The following MAST4 variants were observed in gnomAD, a reference collection of about 807,000 sequenced individuals.
MAST4 encodes microtubule associated serine/threonine kinase family member 4, also known as microtubule-associated serine/threonine-protein kinase 4.
In MAST4, 89 loss-of-function variants were observed where a neutral mutation model predicts 162.7. The observed-to-expected ratio is 0.55, with a 90% CI of 0.46 to 0.65. The LOEUF is 0.65. MAST4 is among the 30% of genes least tolerant of loss of function. The probability of loss-of-function intolerance (pLI) is 0.00; values close to 1 mark genes in which losing one functional copy is unlikely to be tolerated. For synonymous variants in MAST4, 1,479 were observed against 1,361.1 expected (o/e 1.09, Z -1.91); for missense variants, 3,153 against 3,374.0 (o/e 0.93, Z 1.62).
intron 3 of MAST4, among the ~76,000 whole-genome samples, chr5:66,808,850 A>G (rs1339374859): frequency 6.6e-6 from 1 of 152,210 alleles, no homozygotes; most frequent in Non-Finnish European, 1.5e-5. Context: ...CCTGTGTTCT[A>G]CTGGAGGCGG....
chr5:66,918,865 T>G (rs1335253899), intron 4 of MAST4, among the ~76,000 whole-genome samples: 1 of 152,168 alleles, frequency 6.6e-6, no homozygotes, highest in Non-Finnish European at 1.5e-5. Context: ...AATGATATAC[T>G]TAGATAAAAT....
chr5:66,604,726 T>A (rs571098926), intron 1 of MAST4, among the ~76,000 whole-genome samples: 50 of 152,334 alleles, frequency 3.3e-4, no homozygotes, highest in African/African-American at 1.1e-3. Context: ...TTGTGCCTCT[T>A]TGTGTTTGTC....
intron 4 of MAST4, among the ~76,000 whole-genome samples, chr5:67,023,826 G>GT (rs138675844): frequency 0.02 from 3,034 of 150,972 alleles, 120 homozygotes; most frequent in African/African-American, 0.07. Context: ...CAGTACTCAG[G>GT]TTTTTTTTTA....
intron 3 of MAST4, among the ~76,000 whole-genome samples, chr5:66,854,545 A>G (rs1413940187): frequency 1.3e-5 from 2 of 152,010 alleles, no homozygotes; most frequent in Non-Finnish European, 2.9e-5. Flanking sequence ...GATCCTTGTC[A>G]TGTTCTTCTG....
intron 1 of MAST4, among the ~76,000 whole-genome samples, chr5:66,737,516 T>A (rs1424707735): frequency 6.6e-6 from 1 of 152,194 alleles, no homozygotes; most frequent in Non-Finnish European, 1.5e-5. Flanking sequence ...GGAATTTGTC[T>A]GCCTATTATA....
intron 1 of MAST4, among the ~76,000 whole-genome samples, chr5:66,708,311 A>G (rs1173491195): frequency 2.0e-5 from 3 of 152,310 alleles, no homozygotes; most frequent in African/African-American, 4.8e-5. Context: ...TTGACTAGTC[A>G]CATGATATTG....
chr5:66,748,436 C>CCTCCCTCGCTCCCTCCCTCCCTCCCTCA (rs1561302723), intron 1 of MAST4, among the ~76,000 whole-genome samples: 1 of 5,404 alleles, frequency 1.9e-4, no homozygotes. Context: ...TCCCTCCCTC[C>CCTCCCTCGCTCCCTCCCTCCCTCCCTCA]CTCCCTCTCT....
chr5:66,677,489 T>G (rs1748025877), intron 1 of MAST4, among the ~76,000 whole-genome samples: 2 of 152,188 alleles, frequency 1.3e-5, no homozygotes, highest in Non-Finnish European at 2.9e-5. Context: ...CTTTGTTCGT[T>G]TATTCAAAAT....
At chr5:66,787,123 T>G (rs144974091) in intron 2 of MAST4, among the ~76,000 whole-genome samples, 1 of 152,362 alleles carries the variant, frequency 6.6e-6, no homozygotes, top group African/African-American at 2.4e-5. Context: ...AAGATACTTT[T>G]CATTTTTACT....
At chr5:66,859,363 A>T (rs960270735) in intron 3 of MAST4, among the ~76,000 whole-genome samples, 1 of 152,096 alleles carries the variant, frequency 6.6e-6, no homozygotes, top group Non-Finnish European at 1.5e-5. Context: ...ACTATACTAC[A>T]TGTAAGTATT....
chr5:66,922,979 A>G (rs573584973), intron 4 of MAST4, among the ~76,000 whole-genome samples: 1 of 152,278 alleles, frequency 6.6e-6, no homozygotes, highest in South Asian at 2.1e-4. Context: ...CCAACCGTGG[A>G]GCATAAGATC....
intron 3 of MAST4, among the ~76,000 whole-genome samples, chr5:66,894,378 C>A (rs780947186): frequency 4.6e-5 from 7 of 152,138 alleles, no homozygotes; most frequent in Non-Finnish European, 8.8e-5. Context: ...TTTTTATTTT[C>A]TCTCCTCTGT....
At chr5:66,962,756 A>G (rs1192165732) in intron 4 of MAST4, among the ~76,000 whole-genome samples, 3 of 152,312 alleles carry the variant, frequency 2.0e-5, no homozygotes, top group African/African-American at 4.8e-5. Context: ...CTATAGCAGG[A>G]GTTTCTATTG....
Position 66,801,403 on chromosome 5 carries a change from T to A in MAST4, c.642+12609T>A, listed in dbSNP as rs1056499748. Among the ~76,000 whole-genome samples the A allele has an allele frequency of 3.9e-5, 6 of 152,320 alleles. No individual in the cohort carries two copies. In the East Asian group the frequency reaches 5.8e-4, roughly 15 times the overall value. ...AAGGAAGTGTGTTAGCCATCAGTAC[T>A]GGTACATACCAGCTATCAGCTTCAA... On this transcript the variant is annotated intron_variant, in intron 3 of 28. Coordinates refer to ENST00000403625, the MANE Select transcript of MAST4 (RefSeq NM_001164664.2).
rs1687815202 is a variant in MAST4, at chr5:67,163,062, T to C, written c.3968-85T>C. 7.0e-7 allele frequency: 1 copy of C among 1,433,506 alleles called. No individual in the cohort carries two copies. The highest frequency in any genetic ancestry group is 9.5e-7 in the Non-Finnish European group (1 of 1,057,090). 88.8% of individuals were successfully genotyped at this position (1,433,506 alleles called of 1,614,324 possible). On this transcript the variant is annotated intron_variant, in intron 28 of 28. Coordinates refer to ENST00000403625, the MANE Select transcript of MAST4 (RefSeq NM_001164664.2). The surrounding 1 kb of genome is among the most constrained non-coding windows in gnomAD (Gnocchi z 7.0). ...GACAATTTGCTGATCTTACCTGGCC[T>C]TACCTAATACAGTCTGGGCTACAAC...
chr5:66,841,620 G>T (rs1213594906), intron 3 of MAST4, among the ~76,000 whole-genome samples: 1 of 151,988 alleles, frequency 6.6e-6, no homozygotes, highest in Non-Finnish European at 1.5e-5. Flanking sequence ...TTTAATAAGG[G>T]CATTAATCCC....
intron 26 of MAST4, among the ~76,000 whole-genome samples, chr5:67,156,253 C>A (rs1485707467): frequency 1.3e-5 from 2 of 152,030 alleles, no homozygotes; most frequent in Non-Finnish European, 2.9e-5. Flanking sequence ...AAGAAGATAA[C>A]AAAGCAATCT....
At chr5:66,810,010 A>C (rs1349842376) in intron 3 of MAST4, among the ~76,000 whole-genome samples, 1 of 152,158 alleles carries the variant, frequency 6.6e-6, no homozygotes, top group East Asian at 1.9e-4. Flanking sequence ...TGTCCTTTTT[A>C]ATAGTGGCAG....
chr5:66,888,942 G>A (rs984866285), intron 3 of MAST4, among the ~76,000 whole-genome samples: 11 of 152,308 alleles, frequency 7.2e-5, no homozygotes, highest in Middle Eastern at 3.4e-3. Flanking sequence ...ATCAAATAAA[G>A]CTTTTGAACA....
Sources: allele counts gnomAD v4.1 joint callset (sites outside exome capture counted in the v4.1 genomes callset), GRCh38; gene constraint gnomAD v4.1.1; non-coding constraint Gnocchi (gnomAD v3.1); transcripts MANE v1.5; gene names NCBI Gene and HGNC (gene_info 2026-07-23, HGNC 2026-07-21).